Variants in SOX5 observed in about 807,000 individuals in gnomAD.
The protein encoded by SOX5 is transcription factor SOX-5.
SOX5 carries 9 observed loss-of-function variants against 92.0 expected under a neutral mutation model. The observed-to-expected ratio is 0.10, with a 90% CI of 0.06 to 0.17. The LOEUF (loss-of-function observed/expected upper bound fraction) is 0.17. SOX5 is among the 10% of genes least tolerant of loss of function. The probability of loss-of-function intolerance (pLI) is 1.00; values close to 1 mark genes in which losing one functional copy is unlikely to be tolerated. For synonymous variants in SOX5, 344 were observed against 336.3 expected (o/e 1.02, Z -0.25); for missense variants, 642 against 944.5 (o/e 0.68, Z 4.20).
intron 2 of SOX5, among the ~76,000 whole-genome samples, chr12:23,852,129 C>T (rs1190392699): frequency 6.6e-6 from 1 of 152,092 alleles, no homozygotes; most frequent in African/African-American, 2.4e-5. Context: ...TTATTCATCA[C>T]AATATTAAAA....
At chr12:24,177,267 T>C (rs1954927500) in intron 4 of SOX5, among the ~76,000 whole-genome samples, 1 of 152,216 alleles carries the variant, frequency 6.6e-6, no homozygotes, top group Non-Finnish European at 1.5e-5. Flanking sequence ...TAAGATCCCA[T>C]AGCTGGCTTA....
intron 10 of SOX5, among the ~76,000 whole-genome samples, chr12:23,567,426 A>T (rs1382608343): frequency 2.0e-5 from 3 of 146,824 alleles, no homozygotes; most frequent in Non-Finnish European, 4.5e-5. Flanking sequence ...AATTTGTGAG[A>T]TTCTGTAACT....
At chr12:24,243,229 A>T (rs1352631214) in intron 3 of SOX5, among the ~76,000 whole-genome samples, 1 of 152,212 alleles carries the variant, frequency 6.6e-6, no homozygotes, top group Non-Finnish European at 1.5e-5. Flanking sequence ...TTAGATAAAT[A>T]CATGATATAC....
intron 5 of SOX5, among the ~76,000 whole-genome samples, chr12:23,736,099 C>T (rs1007357400): frequency 2.2e-4 from 34 of 151,802 alleles, no homozygotes; most frequent in African/African-American, 8.2e-4. Flanking sequence ...ACTTATCACT[C>T]TCTTATAAAT....
At chr12:23,988,168 A>G (rs1357554012) in intron 4 of SOX5, among the ~76,000 whole-genome samples, 3 of 152,204 alleles carry the variant, frequency 2.0e-5, no homozygotes, top group African/African-American at 7.2e-5. Context: ...TATTTACAGT[A>G]ATGGAGGTGA....
intron 1 of SOX5, among the ~76,000 whole-genome samples, chr12:24,534,033 A>G (rs978305073): frequency 2.6e-5 from 4 of 152,210 alleles, no homozygotes; most frequent in African/African-American, 4.8e-5. Flanking sequence ...CCCACCAATC[A>G]TTATAAAAAA....
intron 1 of SOX5, among the ~76,000 whole-genome samples, chr12:24,514,697 T>C (rs1949622111): frequency 6.6e-6 from 1 of 152,196 alleles, no homozygotes; most frequent in African/African-American, 2.4e-5. Flanking sequence ...ATGTGGTACA[T>C]ATACACCTTG....
chr12:24,417,192 A>G (rs1173501371), intron 1 of SOX5, among the ~76,000 whole-genome samples: 1 of 152,248 alleles, frequency 6.6e-6, no homozygotes, highest in Non-Finnish European at 1.5e-5. Context: ...GAGACTGGAC[A>G]GAGTGAGAGA....
intron 3 of SOX5, among the ~76,000 whole-genome samples, chr12:23,820,140 T>C (rs2096077518): frequency 6.6e-6 from 1 of 152,258 alleles, no homozygotes; most frequent in Non-Finnish European, 1.5e-5. Flanking sequence ...TGTGAGATGG[T>C]ATCTCATTGT....
intron 2 of SOX5, among the ~76,000 whole-genome samples, chr12:23,849,470 T>C (rs1004358524): frequency 2.0e-5 from 3 of 152,166 alleles, no homozygotes; most frequent in African/African-American, 7.2e-5. Context: ...GCACAGTATA[T>C]GCTCAAGGTC....
At chr12:23,607,520 GCTC>G (rs150154672) in intron 8 of SOX5, among the ~76,000 whole-genome samples, 12,782 of 152,098 alleles carry the variant, frequency 0.084, 701 homozygotes, top group Non-Finnish European at 0.12. Flanking sequence ...AAAAAATTAT[GCTC>G]CTTTTTCTCT....
At chr12:23,685,781 T>C (rs936325374) in intron 6 of SOX5, among the ~76,000 whole-genome samples, 2 of 152,146 alleles carry the variant, frequency 1.3e-5, no homozygotes, top group Non-Finnish European at 2.9e-5. Flanking sequence ...TGAGGTATTA[T>C]CAAAATAATT....
intron 1 of SOX5, among the ~76,000 whole-genome samples, chr12:24,461,895 A>G (rs905515872): frequency 6.6e-6 from 1 of 152,196 alleles, no homozygotes; most frequent in Admixed American, 6.5e-5. Flanking sequence ...CTGGTCTTAG[A>G]GACTCTAACC....
At chr12:23,918,852 G>A (rs1471390348) in intron 1 of SOX5, among the ~76,000 whole-genome samples, 1 of 151,942 alleles carries the variant, frequency 6.6e-6, no homozygotes, top group Non-Finnish European at 1.5e-5. Flanking sequence ...GGGAGGTGGA[G>A]GTTGCAGTGA....
At chr12:23,918,812 G>A (rs1489401392) in intron 1 of SOX5, among the ~76,000 whole-genome samples, 1 of 148,232 alleles carries the variant, frequency 6.7e-6, no homozygotes, top group Non-Finnish European at 1.5e-5. Context: ...AGCTACTCAG[G>A]CGGCTGAGGC....
chr12:23,766,666 ACAC>A (rs1011132759), intron 3 of SOX5, among the ~76,000 whole-genome samples: 2 of 152,168 alleles, frequency 1.3e-5, no homozygotes, highest in African/African-American at 4.8e-5. Context: ...AATTTTACTA[ACAC>A]CACACTATCA....
chr12:23,584,517 A>T (rs1211082171), intron 9 of SOX5: 1 of 1,485,778 alleles, frequency 6.7e-7, no homozygotes, highest in East Asian at 2.3e-5. Context: ...AATTAATTAC[A>T]TCAAAGAGTC....
chr12:23,999,091 A>G lies in SOX5; in HGVS notation c.-1-103067T>C, dbSNP rs1217673866. Among the ~76,000 whole-genome samples the G allele has an allele frequency of 1.1e-4, 17 of 151,246 alleles. No homozygotes were observed. In the Admixed American group the frequency reaches 1.1e-3, roughly 10 times the overall value. ...CCTCATCAGAAATAAAAAGGCCAGA[A>G]GCAGCAGGATAGGACAATGGACATT... On this transcript the variant is annotated intron_variant, in intron 4 of 4. Transcript: ENST00000446891.
At chr12:23,788,392 G>A (rs890798910) in intron 3 of SOX5, among the ~76,000 whole-genome samples, 2 of 151,796 alleles carry the variant, frequency 1.3e-5, no homozygotes, top group Admixed American at 6.6e-5. Flanking sequence ...ACAAACCTGA[G>A]TGAAAATTTT....
Sources: gnomAD v4.1 joint callset for allele counts (sites outside exome capture counted in the v4.1 genomes callset) on GRCh38, gnomAD v4.1.1 for gene constraint, MANE v1.5 for transcripts, NCBI Gene and HGNC (gene_info 2026-07-23, HGNC 2026-07-21) for gene names.